The following FSD1L variants were observed in gnomAD, a reference collection of about 807,000 sequenced individuals.
FSD1L encodes the protein fibronectin type III and SPRY domain containing 1 like.
A neutral mutation model predicts 71.6 loss-of-function variants in FSD1L; 45 were observed. The observed-to-expected ratio is 0.63, with a 90% CI of 0.49 to 0.81. The LOEUF (loss-of-function observed/expected upper bound fraction) is 0.81. FSD1L is among the 30% of genes least tolerant of loss of function. The pLI is 0.00. For missense variants in FSD1L, 561 were observed against 618.1 expected, an observed-to-expected ratio of 0.91 and a Z score of 0.98; for synonymous variants, 197 against 207.2, an observed-to-expected ratio of 0.95 and a Z score of 0.42.
chr9:105,468,123 G>T, intron 3 of FSD1L, 70 bp from the exon 4 acceptor site: 1 of 1,023,652 alleles, frequency 9.8e-7, no homozygotes, highest in South Asian at 3.2e-5. Context: ...CTCTCTTTTG[G>T]GCATACCTTT....
At chr9:105,524,495 G>A (rs1835381551) in intron 10 of FSD1L, 2 of 1,613,512 alleles carry the variant, frequency 1.2e-6, no homozygotes, top group South Asian at 1.1e-5. Flanking sequence ...TTCATGCTAC[G>A]GGAGCAGAAA....
chr9:105,468,217 G>A lies in FSD1L; in HGVS notation c.232G>A (p.Glu78Lys). ...GGAAAATTCGTCCAACATACTCTCA[G>A]AGTTAGATGAAGAATTTGATAGTTT... Reference protein sequence around the residue: ...VQENSSNILSELDEEFDSLYS... With the variant: ...VQENSSNILSKLDEEFDSLYS... Residue 78 changes from glutamate (E) to lysine (K), a missense_variant, in exon 4 of 14, where the codon GAG becomes AAG. Glu to Lys is a moderately conservative substitution (Grantham distance 56, BLOSUM62 1). This residue lies in a region of FSD1L where 410 missense variants were observed against 413.5 expected (regional missense o/e 0.99). Coordinates refer to ENST00000481272, the MANE Select transcript of FSD1L (RefSeq NM_001145313.3). 1 of 1,430,456 alleles carries A rather than the reference G, an allele frequency of 7.0e-7. No homozygotes were observed. Among genetic ancestry groups the A allele is most frequent in the South Asian group, 1.6e-5 (1 of 63,204 alleles). 88.6% of individuals were successfully genotyped at this position (1,430,456 alleles called of 1,614,324 possible). A position where few individuals can be genotyped will look rare whatever the true frequency, so the allele number is the denominator to read the frequency against.
chr9:105,524,618 T>G, intron 10 of FSD1L: 1 of 1,613,960 alleles, frequency 6.2e-7, no homozygotes, highest in Non-Finnish European at 8.5e-7. Flanking sequence ...GCCTCTCTGA[T>G]TTGGCATCTG....
chr9:105,465,979 C>T (rs1481499720), intron 3 of FSD1L, among the ~76,000 whole-genome samples: 4 of 149,034 alleles, frequency 2.7e-5, no homozygotes, highest in Admixed American at 1.3e-4. Context: ...TCAAGCGATT[C>T]TCCTGCCTCA....
intron 1 of FSD1L, among the ~76,000 whole-genome samples, chr9:105,451,169 C>T (rs1331751824): frequency 6.6e-6 from 1 of 152,110 alleles, no homozygotes; most frequent in African/African-American, 2.4e-5. Flanking sequence ...TCATGTTAGC[C>T]AGGATGGTCT....
chr9:105,544,083 C>T (rs1171428327), intron 13 of FSD1L, among the ~76,000 whole-genome samples: 1 of 152,224 alleles, frequency 6.6e-6, no homozygotes, highest in African/African-American at 2.4e-5. Context: ...TCCACATCCT[C>T]TCCAGCACCT....
At chr9:105,521,179 T>A (rs1835128643) in intron 10 of FSD1L, 2 of 1,614,168 alleles carry the variant, frequency 1.2e-6, no homozygotes, top group Middle Eastern at 1.7e-4. Flanking sequence ...ATTCGTTGGC[T>A]GGTTTCTTTC....
At chr9:105,542,835 A>G (rs2131528812) in intron 13 of FSD1L, among the ~76,000 whole-genome samples, 1 of 152,228 alleles carries the variant, frequency 6.6e-6, no homozygotes, top group South Asian at 2.1e-4. Flanking sequence ...TCTCCTGGTT[A>G]TGGTTTGCAT....
At chr9:105,515,174 C>T (rs1028213948) in intron 10 of FSD1L, among the ~76,000 whole-genome samples, 1 of 152,180 alleles carries the variant, frequency 6.6e-6, no homozygotes, top group East Asian at 1.9e-4. Flanking sequence ...CCTGTGCCCC[C>T]ACCCTGCCTC....
At chr9:105,458,769 G>A (rs1830508494) in intron 1 of FSD1L, among the ~76,000 whole-genome samples, 1 of 152,162 alleles carries the variant, frequency 6.6e-6, no homozygotes, top group Admixed American at 6.5e-5. Context: ...GTTTCACCAG[G>A]GACCCACCCC....
chr9:105,461,454 A>G, intron 1 of FSD1L, 66 bp from the exon 2 acceptor site: 1 of 645,308 alleles, frequency 1.5e-6, no homozygotes. Context: ...AAATTAATTT[A>G]TCCTGTTTTT....
chr9:105,461,698 C>T (rs1377818724), intron 2 of FSD1L, 83 bp downstream of exon 2: 5 of 761,740 alleles, frequency 6.6e-6, no homozygotes, highest in East Asian at 2.7e-5. Flanking sequence ...TGACTATACT[C>T]ATTAAAAAAC....
At chr9:105,467,178 A>T (rs960778605) in intron 3 of FSD1L, among the ~76,000 whole-genome samples, 4 of 152,184 alleles carry the variant, frequency 2.6e-5, no homozygotes, top group African/African-American at 9.7e-5. Flanking sequence ...TTACTACTGT[A>T]AATAGACTAG....
At chr9:105,525,899 C>T in intron 10 of FSD1L, 1 of 1,556,008 alleles carries the variant, frequency 6.4e-7, no homozygotes, top group Non-Finnish European at 8.9e-7. Flanking sequence ...CACATGTCAA[C>T]AAGAATGCCT....
intron 10 of FSD1L, chr9:105,524,455 C>T (rs1835377694): frequency 6.2e-7 from 1 of 1,613,354 alleles, no homozygotes; most frequent in Non-Finnish European, 8.5e-7. Context: ...TGGATCATGG[C>T]CTTACCTCTA....
At position 105,508,703 on chromosome 9, in the gene FSD1L, C is replaced by G. The variant is rs1834217561; in HGVS notation, c.883C>G (p.Leu295Val). 2 of 1,544,804 alleles carry G rather than the reference C, an allele frequency of 1.3e-6. No individual in the cohort carries two copies. The highest frequency in any genetic ancestry group is 2.4e-5 in the East Asian group (1 of 40,842). ...TGGAGAGTATTCTGATCCAGTGACT[C>G]TAGAGACCAAAGGTGAGATCAGTAG... Reference protein sequence around the residue: ...VAGEYSDPVTLETKALNFNLD... With the variant: ...VAGEYSDPVTVETKALNFNLD... Residue 295 changes from leucine (L) to valine (V), a missense_variant, in exon 9 of 14, where the codon CTA becomes GTA. This residue lies in a region of FSD1L where 410 missense variants were observed against 413.5 expected (regional missense o/e 0.99). Coordinates refer to ENST00000481272, the MANE Select transcript of FSD1L (RefSeq NM_001145313.3).
Position 105,468,298 on chromosome 9 carries a change from C to T in FSD1L, c.313C>T (p.Gln105Ter). 1 of 1,491,236 alleles carries T rather than the reference C, an allele frequency of 6.7e-7. No individual in the cohort carries two copies. Among genetic ancestry groups the T allele is most frequent in the Non-Finnish European group, 8.9e-7 (1 of 1,126,316 alleles). The allele number at this position is 1,491,236 out of a possible 1,614,324, so 92.4% of individuals were successfully genotyped here. A position where few individuals can be genotyped will look rare whatever the true frequency, so the allele number is the denominator to read the frequency against. The change falls in exon 4 of 14, where the codon CAA becomes TAA. Residue 105 changes from glutamine (Q) to a stop codon, truncating the protein, a stop_gained. Coordinates refer to ENST00000481272, the MANE Select transcript of FSD1L (RefSeq NM_001145313.3). LOFTEE classifies it high-confidence loss of function. The part of the protein sequence containing the change: ...ESMINCIKQE[Q>*]ARKSQELQSQ... ...TATGATTAACTGTATCAAGCAGGAA[C>T]AAGCTCGTAAATCCCAAGAGTTACA... is the stretch of plus-strand genomic sequence containing the variant.
intron 7 of FSD1L, among the ~76,000 whole-genome samples, chr9:105,502,561 C>G (rs1236103014): frequency 1.3e-5 from 2 of 152,148 alleles, no homozygotes; most frequent in African/African-American, 4.8e-5. Flanking sequence ...CTTTTCTCCC[C>G]TAAAATCCAG....
At position 105,520,089 on chromosome 9, in the gene FSD1L, T is replaced by A. The variant is rs928473337; in HGVS notation, c.1025+7153T>A. ...CCACTTTCTGCCGCTGGGAGCCGGCTGTGGCAGTGGCAGTGGCAGTGGCAG... is the reference window on the plus strand; with the variant it reads ...CCACTTTCTGCCGCTGGGAGCCGGCAGTGGCAGTGGCAGTGGCAGTGGCAG... On this transcript the variant is annotated intron_variant, in intron 10 of 13. Coordinates refer to ENST00000481272, the MANE Select transcript of FSD1L (RefSeq NM_001145313.3). 40 of 1,583,456 alleles carry A rather than the reference T, an allele frequency of 2.5e-5. No homozygotes were observed. The African/African-American group carries it at 5.0e-4, about 20-fold the overall frequency.
Sources: gnomAD v4.1 joint callset for allele counts (sites outside exome capture counted in the v4.1 genomes callset) on GRCh38, gnomAD v4.1.1 for gene constraint, gnomAD v4.1.1 regional missense constraint, MANE v1.5 for transcripts, NCBI Gene and HGNC (gene_info 2026-07-23, HGNC 2026-07-21) for gene names.